PTPRG: variants seen among roughly 807,000 people sequenced by gnomAD.
PTPRG encodes the protein receptor-type tyrosine-protein phosphatase gamma.
PTPRG carries 102 observed loss-of-function variants against 165.3 expected under a neutral mutation model. The observed-to-expected ratio is 0.62, with a 90% CI of 0.53 to 0.73. The LOEUF (loss-of-function observed/expected upper bound fraction) is 0.73, where lower values mean the gene tolerates loss of function less well. Ranked by LOEUF, PTPRG falls within the 30% of genes least tolerant of loss-of-function variation. PTPRG has a pLI of 0.00. For synonymous variants in PTPRG, 675 were observed against 669.5 expected, an observed-to-expected ratio of 1.01 and a Z score of -0.13; for missense variants, 1,866 against 1,861.4, an observed-to-expected ratio of 1.00 and a Z score of -0.05.
intron 2 of PTPRG, among the ~76,000 whole-genome samples, chr3:61,958,636 C>T (rs1266124849): frequency 1.3e-5 from 2 of 152,188 alleles, no homozygotes; most frequent in East Asian, 3.9e-4. Flanking sequence ...ATCTGCCTTA[C>T]ATAAGTTCTC....
intron 4 of PTPRG, among the ~76,000 whole-genome samples, chr3:62,062,973 T>C (rs1700870667): frequency 2.0e-5 from 3 of 152,216 alleles, no homozygotes; most frequent in African/African-American, 7.2e-5. Flanking sequence ...GCATTCTTAC[T>C]TGCCCTGTGG....
chr3:61,937,336 A>C (rs1417994546), intron 2 of PTPRG, among the ~76,000 whole-genome samples: 1 of 152,188 alleles, frequency 6.6e-6, no homozygotes, highest in East Asian at 1.9e-4. Flanking sequence ...CTGCTGTCGC[A>C]AAGTGTCCTT....
At chr3:62,114,932 A>G (rs373251222) in intron 5 of PTPRG, among the ~76,000 whole-genome samples, 2 of 152,010 alleles carry the variant, frequency 1.3e-5, no homozygotes, top group African/African-American at 4.8e-5. Context: ...AAGCCACCAC[A>G]CCCAGCCATA....
At chr3:61,620,310 C>T (rs2106897324) in intron 1 of PTPRG, among the ~76,000 whole-genome samples, 1 of 152,178 alleles carries the variant, frequency 6.6e-6, no homozygotes. Flanking sequence ...TGGCAGTAAT[C>T]TTTCAAAAAA....
intron 2 of PTPRG, among the ~76,000 whole-genome samples, chr3:61,984,323 A>G (rs1240756392): frequency 6.6e-6 from 1 of 152,190 alleles, no homozygotes; most frequent in Non-Finnish European, 1.5e-5. Flanking sequence ...TAAGGTTTTT[A>G]TATAAGCTTA....
chr3:61,694,495 C>T (rs186088321), intron 1 of PTPRG, among the ~76,000 whole-genome samples: 1 of 152,162 alleles, frequency 6.6e-6, no homozygotes. Flanking sequence ...GGTTGAGAAC[C>T]TGTCGGTTTC....
In PTPRG at chr3:62,099,417, T is replaced by G. The variant is rs566968542; in HGVS notation, c.615+21159T>G. On this transcript the variant is annotated intron_variant, in intron 5 of 29. Coordinates refer to ENST00000474889, the MANE Select transcript of PTPRG (RefSeq NM_002841.4). ...ACTAGAAAAGTTGTGGCCGCAAAAG[T>G]GTTGATTCCACTCTTATGATAGTGA... Among the ~76,000 whole-genome samples the G allele has an allele frequency of 5.9e-5, 9 of 152,238 alleles. No homozygotes were observed. The South Asian group carries it at 1.7e-3, about 28-fold the overall frequency.
Position 62,043,770 on chromosome 3 carries a change from C to G in PTPRG, c.520-34393C>G, listed in dbSNP as rs575182656. On this transcript the variant is annotated intron_variant, in intron 4 of 29. Transcript: ENST00000474889. ...AAGGATAGACTCTTGAGTTCCTAAA[C>G]AGTAGAAAACACAACCCTTGTCTAA... is the stretch of plus-strand genomic sequence containing the variant. Among the ~76,000 whole-genome samples the G allele has an allele frequency of 2.0e-5, 3 of 152,260 alleles. No homozygotes were observed. In the East Asian group the frequency reaches 5.8e-4, roughly 29 times the overall value.
intron 2 of PTPRG, among the ~76,000 whole-genome samples, chr3:61,816,484 A>C (rs1457987528): frequency 6.6e-6 from 1 of 152,120 alleles, no homozygotes; most frequent in East Asian, 1.9e-4. Context: ...GTGAGCCAGG[A>C]TTGCGCCACT....
intron 2 of PTPRG, among the ~76,000 whole-genome samples, chr3:61,822,916 C>G (rs996693298): frequency 6.6e-6 from 1 of 152,110 alleles, no homozygotes; most frequent in African/African-American, 2.4e-5. Context: ...GTTACATGGC[C>G]GATGGTGACT....
chr3:61,978,916 T>C (rs188866350), intron 2 of PTPRG, among the ~76,000 whole-genome samples: 1 of 152,190 alleles, frequency 6.6e-6, no homozygotes, highest in African/African-American at 2.4e-5. Context: ...AGATCTGGAA[T>C]TGACTGTTTG....
At position 62,214,076 on chromosome 3, in the gene PTPRG, AG is replaced by A. The variant is rs766805730; in HGVS notation, c.2156-4772del. ...AAGCAGTATGATACAGTCTAGTCTCAGGGCAAACTGAGATTCTAGCTCTTTA... is the reference window on the plus strand; with the variant it reads ...AAGCAGTATGATACAGTCTAGTCTCAGGCAAACTGAGATTCTAGCTCTTTA... On this transcript the variant is annotated intron_variant, in intron 12 of 29. Transcript: ENST00000474889. This position sits in a 1 kb window ranked among gnomAD's most constrained non-coding sequence, Gnocchi z 5.2. Among the ~76,000 whole-genome samples, 3 of 152,228 alleles carry A rather than the reference AG, an allele frequency of 2.0e-5. No homozygotes were observed. The highest frequency in any genetic ancestry group is 2.9e-5 in the Non-Finnish European group (2 of 68,040).
At chr3:61,976,554 A>G (rs958329125) in intron 2 of PTPRG, among the ~76,000 whole-genome samples, 2 of 152,242 alleles carry the variant, frequency 1.3e-5, no homozygotes, top group African/African-American at 4.8e-5. Context: ...TATGTGGTTA[A>G]CATAAAATAG....
chr3:62,097,426 C>T lies in PTPRG; in HGVS notation c.615+19168C>T, dbSNP rs773221256. On this transcript the variant is annotated intron_variant, in intron 5 of 29. Transcript: ENST00000474889. ...AAAGGACTGTGGTCTGACATTTTCACGTAAAATAAACTAACACTCATAAGT... is the reference window on the plus strand; with the variant it reads ...AAAGGACTGTGGTCTGACATTTTCATGTAAAATAAACTAACACTCATAAGT... Among the ~76,000 whole-genome samples the T allele has an allele frequency of 6.6e-5, 10 of 152,098 alleles. No individual in the cohort carries two copies. The South Asian group carries it at 1.7e-3, about 25-fold the overall frequency.
At chr3:61,672,590 C>G (rs112801956) in intron 1 of PTPRG, among the ~76,000 whole-genome samples, 6 of 150,388 alleles carry the variant, frequency 4.0e-5, no homozygotes, top group South Asian at 2.1e-4. Context: ...CATGGCGGCG[C>G]CGCCTGCAAT....
At chr3:61,640,031 T>C (rs1311400319) in intron 1 of PTPRG, among the ~76,000 whole-genome samples, 2 of 152,222 alleles carry the variant, frequency 1.3e-5, no homozygotes, top group Admixed American at 6.5e-5. Flanking sequence ...GAGTGGTATA[T>C]ACCTTTGAAA....
chr3:61,743,116 C>A, intron 1 of PTPRG: 1 of 1,390,680 alleles, frequency 7.2e-7, no homozygotes, highest in Non-Finnish European at 1.0e-6. Flanking sequence ...TGGCTTCTCA[C>A]GCCGCGCTAA....
At chr3:61,817,141 T>C (rs2035802992) in intron 2 of PTPRG, among the ~76,000 whole-genome samples, 1 of 127,058 alleles carries the variant, frequency 7.9e-6, no homozygotes, top group Non-Finnish European at 1.6e-5. Flanking sequence ...ATAATACATA[T>C]ATTACATATA....
rs1006354367 is a variant in PTPRG, at chr3:61,562,172, C to G, written c.-116C>G. The G allele has an allele frequency of 4.4e-6, 4 of 903,486 alleles. No individual in the cohort carries two copies. The highest frequency in any genetic ancestry group is 4.3e-5 in the South Asian group (3 of 69,020). The allele number at this position is 903,486 out of a possible 1,614,324, so 56.0% of individuals were successfully genotyped here. The stretch of plus-strand genomic sequence containing the variant: ...CTCGGGCCGCCGAGCGCGGGGGGCC[C>G]GTGGAGCGGGCGAGCCGGGGAAGCG... On this transcript the variant is annotated 5_prime_UTR_variant, in exon 1 of 30. Coordinates refer to ENST00000474889, the MANE Select transcript of PTPRG (RefSeq NM_002841.4).
Sources: allele counts gnomAD v4.1 joint callset (sites outside exome capture counted in the v4.1 genomes callset), GRCh38; gene constraint gnomAD v4.1.1; non-coding constraint Gnocchi (gnomAD v3.1); transcripts MANE v1.5; gene names NCBI Gene and HGNC (gene_info 2026-07-23, HGNC 2026-07-21).